DIP2C: variants seen among roughly 807,000 people sequenced by gnomAD.
The protein encoded by DIP2C is disco-interacting protein 2 homolog C.
DIP2C carries 33 observed loss-of-function variants against 192.4 expected under a neutral mutation model. That is an observed-to-expected ratio of 0.17 (90% CI 0.13 to 0.23). The LOEUF (loss-of-function observed/expected upper bound fraction) is 0.23, where lower values mean the gene tolerates loss of function less well. Among genes scored for constraint, DIP2C ranks in the 10% least tolerant of loss-of-function variants. DIP2C has a pLI of 1.00. For synonymous variants in DIP2C, 979 were observed against 864.1 expected (o/e 1.13, Z -2.33); for missense variants, 1,537 against 2,110.1 (o/e 0.73, Z 5.32).
In DIP2C at chr10:596,496, C is replaced by CAAAAAAAA. The variant is rs56298679; in HGVS notation, c.85+92990_85+92997dup. 5.9e-4 allele frequency among the ~76,000 whole-genome samples: 31 copies of CAAAAAAAA among 52,928 alleles called. 1 individual carries two copies. The highest frequency in any genetic ancestry group is 2.5e-3 in the East Asian group (3 of 1,214). 34.7% of individuals were successfully genotyped at this position (52,928 alleles called of 152,430 possible). ...GGGCGACCAGTGCGAAACTCCATCT[C>CAAAAAAAA]AAAAAAAAAAAAAAAAAAAAAAAAA... is the stretch of plus-strand genomic sequence containing the variant. On this transcript the variant is annotated intron_variant, in intron 1 of 36. Transcript: ENST00000280886.
intron 1 of DIP2C, among the ~76,000 whole-genome samples, chr10:604,361 G>A (rs543118618): frequency 1.3e-5 from 2 of 152,322 alleles, no homozygotes; most frequent in East Asian, 1.9e-4. Flanking sequence ...AGGAGACAAA[G>A]ATGAGGAAGG....
intron 29 of DIP2C, among the ~76,000 whole-genome samples, chr10:332,312 G>A (rs746920046): frequency 6.6e-6 from 1 of 152,122 alleles, no homozygotes; most frequent in Non-Finnish European, 1.5e-5. Flanking sequence ...AGCACACAAC[G>A]GGCTTGGGAA....
chr10:513,698 C>A (rs1314440578), intron 1 of DIP2C, among the ~76,000 whole-genome samples: 1 of 152,128 alleles, frequency 6.6e-6, no homozygotes, highest in Non-Finnish European at 1.5e-5. Flanking sequence ...CCATGTCCAG[C>A]CTGCACATGT....
At chr10:528,366 ACG>A (rs1847178251) in intron 1 of DIP2C, among the ~76,000 whole-genome samples, 2 of 91,290 alleles carry the variant, frequency 2.2e-5, no homozygotes, top group African/African-American at 1.7e-4. Flanking sequence ...CCCACCCAGA[ACG>A]CAGACCGCCC....
At chr10:650,426 C>A in intron 1 of DIP2C, 1 of 712,732 alleles carries the variant, frequency 1.4e-6, no homozygotes, top group Non-Finnish European at 2.6e-6. Flanking sequence ...CGCAGGCCGA[C>A]AACATCTTCA....
At chr10:575,918 C>T (rs1375169072) in intron 1 of DIP2C, among the ~76,000 whole-genome samples, 3 of 152,196 alleles carry the variant, frequency 2.0e-5, no homozygotes, top group African/African-American at 4.8e-5. Flanking sequence ...CAGCTGAGCT[C>T]GCACTTTCAG....
Position 537,255 on chromosome 10 carries a change from G to C in DIP2C, c.86-50725C>G, listed in dbSNP as rs188598572. On this transcript the variant is annotated intron_variant, in intron 1 of 36. Coordinates refer to ENST00000280886, the MANE Select transcript of DIP2C (RefSeq NM_014974.3). ...CGTATGAAGGAGGCAGTGGGATCTAGAGCCCTGCACAGCTCCCCAGACCTG... is the reference window on the plus strand; with the variant it reads ...CGTATGAAGGAGGCAGTGGGATCTACAGCCCTGCACAGCTCCCCAGACCTG... Among the ~76,000 whole-genome samples the C allele has an allele frequency of 3.3e-5, 5 of 152,256 alleles. No individual in the cohort carries two copies. The East Asian group carries it at 7.7e-4, about 24-fold the overall frequency.
intron 5 of DIP2C, 83 bp downstream of exon 5, chr10:422,741 G>C: frequency 6.8e-7 from 1 of 1,477,606 alleles, no homozygotes; most frequent in East Asian, 2.3e-5. Flanking sequence ...GAGGGATTCC[G>C]CTGCAACGAT....
intron 1 of DIP2C, among the ~76,000 whole-genome samples, chr10:535,067 A>AC (rs964826958): frequency 6.6e-6 from 1 of 151,946 alleles, no homozygotes; most frequent in African/African-American, 2.4e-5. Context: ...GCAGGAACTG[A>AC]CCCCTCTCTC....
At chr10:334,304 C>CAAA (rs35031456) in intron 29 of DIP2C, among the ~76,000 whole-genome samples, 59,291 of 82,440 alleles carry the variant, frequency 0.72, 23,032 homozygotes, top group South Asian at 0.83. Context: ...AAGACTGTCT[C>CAAA]AAAAAAAAAA....
At chr10:374,923 T>C (rs895183633) in intron 17 of DIP2C, among the ~76,000 whole-genome samples, 1 of 152,204 alleles carries the variant, frequency 6.6e-6, no homozygotes, top group African/African-American at 2.4e-5. Context: ...AGTTCCCATG[T>C]GAAATGGTGT....
chr10:425,467 T>C (rs1966527243), intron 4 of DIP2C, among the ~76,000 whole-genome samples: 1 of 146,392 alleles, frequency 6.8e-6, no homozygotes, highest in South Asian at 2.2e-4. Context: ...TGACCAGTGG[T>C]GACTAATGTG....
chr10:303,828 T>A (rs941799558), intron 32 of DIP2C, among the ~76,000 whole-genome samples: 4 of 152,112 alleles, frequency 2.6e-5, no homozygotes, highest in Non-Finnish European at 4.4e-5. Context: ...TGGCCGAAAG[T>A]TTTTTACTTT....
intron 1 of DIP2C, among the ~76,000 whole-genome samples, chr10:522,771 A>G (rs1046678747): frequency 2.0e-5 from 3 of 152,170 alleles, no homozygotes; most frequent in African/African-American, 7.2e-5. Flanking sequence ...CATGGTTTGG[A>G]TAACAGCCTT....
At chr10:304,988 T>G (rs1278813004) in intron 32 of DIP2C, among the ~76,000 whole-genome samples, 1 of 151,290 alleles carries the variant, frequency 6.6e-6, no homozygotes, top group Non-Finnish European at 1.5e-5. Context: ...CATTTGAAAG[T>G]CACACAACTG....
chr10:418,302 TCGGATAGGCCTCCCTGTCCACTGTG>T, intron 6 of DIP2C, among the ~76,000 whole-genome samples: 1 of 150,080 alleles, frequency 6.7e-6, no homozygotes, highest in Non-Finnish European at 1.5e-5. Flanking sequence ...CTGTCGGAGC[TCGGATAGGCCTCCCTGTCCACTGTG>T]CCTGTCGGGG....
chr10:471,189 G>A (rs948115303), intron 3 of DIP2C, among the ~76,000 whole-genome samples: 11 of 152,132 alleles, frequency 7.2e-5, no homozygotes, highest in Admixed American at 1.3e-4. Flanking sequence ...CAGCAGGGGC[G>A]CCCAGGAGGT....
intron 1 of DIP2C, among the ~76,000 whole-genome samples, chr10:585,811 G>T (rs901169364): frequency 6.6e-6 from 1 of 152,108 alleles, no homozygotes; most frequent in Non-Finnish European, 1.5e-5. Flanking sequence ...AACAACACTA[G>T]TTACATGACC....
intron 29 of DIP2C, among the ~76,000 whole-genome samples, chr10:338,395 A>G (rs1447367578): frequency 6.7e-6 from 1 of 149,580 alleles, no homozygotes; most frequent in Admixed American, 6.7e-5. Flanking sequence ...CACTCCTGCC[A>G]GCTCCAGTCA....
Sources: gnomAD v4.1 joint callset for allele counts (sites outside exome capture counted in the v4.1 genomes callset) on GRCh38, gnomAD v4.1.1 for gene constraint, MANE v1.5 for transcripts, NCBI Gene and HGNC (gene_info 2026-07-23, HGNC 2026-07-21) for gene names.